CALN1: variants seen among roughly 807,000 people sequenced by gnomAD.
The protein encoded by CALN1 is calcium-binding protein 8.
CALN1 carries 17 observed loss-of-function variants against 30.6 expected under a neutral mutation model. The ratio of observed to expected loss-of-function variants is 0.56; its 90% CI spans 0.38 to 0.83. The LOEUF (loss-of-function observed/expected upper bound fraction) is 0.83, where lower values mean the gene tolerates loss of function less well. CALN1 is among the 40% of genes least tolerant of loss of function. The pLI is 0.00. For synonymous variants in CALN1, 156 were observed against 131.4 expected (o/e 1.19, Z -1.28); for missense variants, 291 against 354.9 (o/e 0.82, Z 1.45).
intron 2 of CALN1, among the ~76,000 whole-genome samples, chr7:72,344,914 A>G (rs1802555644): frequency 1.4e-5 from 2 of 147,688 alleles, no homozygotes; most frequent in African/African-American, 4.9e-5. Flanking sequence ...ATATAAATGT[A>G]TATGTGAACA....
At chr7:72,434,571 G>A in intron 1 of CALN1, among the ~76,000 whole-genome samples, 1 of 151,970 alleles carries the variant, frequency 6.6e-6, no homozygotes, top group African/African-American at 2.4e-5. Context: ...GGAAGAGGAA[G>A]AGGAAGAAGA....
intron 2 of CALN1, among the ~76,000 whole-genome samples, chr7:72,392,948 A>G (rs1200984764): frequency 6.6e-6 from 1 of 152,018 alleles, no homozygotes; most frequent in African/African-American, 2.4e-5. Context: ...GCAATGAGCT[A>G]TGATCTCACC....
At chr7:72,156,704 CAA>C (rs1787706298) in intron 3 of CALN1, among the ~76,000 whole-genome samples, 1 of 152,228 alleles carries the variant, frequency 6.6e-6, no homozygotes, top group Non-Finnish European at 1.5e-5. Flanking sequence ...CCTACTGGGG[CAA>C]AGTGTTCTGT....
intron 4 of CALN1, among the ~76,000 whole-genome samples, chr7:72,027,755 ACAC>A (rs759051155): frequency 6.8e-6 from 1 of 147,654 alleles, no homozygotes; most frequent in African/African-American, 2.5e-5. Flanking sequence ...ACACACACAC[ACAC>A]AAAAACACAT....
At chr7:72,471,879 C>T in the CALN1 span, among the ~76,000 whole-genome samples, 1 of 152,178 alleles carries the variant, frequency 6.6e-6, no homozygotes, top group Non-Finnish European at 1.5e-5. Flanking sequence ...TAGTTCACTG[C>T]AGCCTTAAAC....
chr7:72,379,845 C>A (rs887078440), intron 2 of CALN1, among the ~76,000 whole-genome samples: 1 of 152,130 alleles, frequency 6.6e-6, no homozygotes, highest in Non-Finnish European at 1.5e-5. Context: ...CCTGCAGGGA[C>A]CTGAAAATGA....
chr7:72,121,298 A>G (rs1808370333), intron 3 of CALN1, among the ~76,000 whole-genome samples: 1 of 143,184 alleles, frequency 7.0e-6, no homozygotes, highest in South Asian at 2.1e-4. Flanking sequence ...AAATTATATA[A>G]TTTATAAATT....
At chr7:72,342,127 G>A (rs1230415558) in intron 2 of CALN1, among the ~76,000 whole-genome samples, 1 of 152,068 alleles carries the variant, frequency 6.6e-6, no homozygotes, top group Non-Finnish European at 1.5e-5. Context: ...AGGTGTGGTA[G>A]CATGTGCCTG....
intron 3 of CALN1, among the ~76,000 whole-genome samples, chr7:72,145,492 CA>C (rs1585034493): frequency 6.6e-6 from 1 of 151,866 alleles, no homozygotes; most frequent in East Asian, 1.9e-4. Flanking sequence ...GCCTACCAAC[CA>C]AAAAAAGTCC....
intron 6 of CALN1, among the ~76,000 whole-genome samples, chr7:71,789,543 G>C (rs1194079807): frequency 6.6e-6 from 1 of 152,116 alleles, no homozygotes; most frequent in African/African-American, 2.4e-5. Context: ...TGAAGTTGGG[G>C]AAGTGGGGAT....
chr7:72,401,738 CAG>C (rs763593572), intron 2 of CALN1, among the ~76,000 whole-genome samples: 7 of 152,164 alleles, frequency 4.6e-5, no homozygotes, highest in Non-Finnish European at 8.8e-5. Context: ...TTTAATGTAA[CAG>C]TGTGTTGAGC....
In CALN1 at chr7:72,348,454, G is replaced by A. The variant is rs559925229; in HGVS notation, c.119+54797C>T. The stretch of plus-strand genomic sequence containing the variant: ...CTAGATTTTGTGGGGCAGAGAACTG[G>A]AGAGGAGAAGGCAACACAGATAGAA... On this transcript the variant is annotated intron_variant, in intron 2 of 6. Transcript: ENST00000395275. Among the ~76,000 whole-genome samples, 4 of 152,326 alleles carry A rather than the reference G, an allele frequency of 2.6e-5. No homozygotes were observed. In the East Asian group the frequency reaches 5.8e-4, roughly 22 times the overall value.
chr7:72,093,783 G>A (rs1484731515), intron 4 of CALN1, among the ~76,000 whole-genome samples: 1 of 152,128 alleles, frequency 6.6e-6, no homozygotes, highest in Admixed American at 6.5e-5. Context: ...ACCCTGCAGG[G>A]AAGATGCCAA....
intron 3 of CALN1, among the ~76,000 whole-genome samples, chr7:72,245,836 T>C (rs542372172): frequency 6.6e-6 from 1 of 152,324 alleles, no homozygotes; most frequent in African/African-American, 2.4e-5. Context: ...CAATAGCGAC[T>C]GTGCACCAGT....
At chr7:72,333,033 T>C (rs1000968687) in intron 2 of CALN1, among the ~76,000 whole-genome samples, 1 of 152,178 alleles carries the variant, frequency 6.6e-6, no homozygotes, top group African/African-American at 2.4e-5. Flanking sequence ...CTTTTGTACC[T>C]CCCTGTCTCA....
Position 72,278,790 on chromosome 7 carries a change from T to C in CALN1, c.140A>G (p.His47Arg), listed in dbSNP as rs369832852. Residue 47 changes from histidine (H) to arginine (R), a missense_variant, in exon 3 of 7, where the codon CAT (histidine) becomes CGT (arginine). His to Arg is a conservative substitution (Grantham distance 29). Coordinates refer to ENST00000395275, the MANE Select transcript of CALN1 (RefSeq NM_031468.4). ...FPTWEKMPFH[H>R]VTAGLLYKGN... ...CTTGTACAACAAGCCGGCGGTCACA[T>C]GGTGGAACGGCATCTTTTCCCTGCC... 1.2e-6 allele frequency: 2 copies of C among 1,613,350 alleles called. No homozygotes were observed. The highest frequency in any genetic ancestry group is 1.3e-5 in the African/African-American group (1 of 74,922).
chr7:72,389,211 C>T (rs934510660), intron 2 of CALN1, among the ~76,000 whole-genome samples: 1 of 152,204 alleles, frequency 6.6e-6, no homozygotes, highest in Non-Finnish European at 1.5e-5. Context: ...CATCAAACAC[C>T]CCCTGGGGAC....
chr7:72,100,609 G>A (rs1255387433), intron 4 of CALN1, among the ~76,000 whole-genome samples: 1 of 151,964 alleles, frequency 6.6e-6, no homozygotes, highest in Non-Finnish European at 1.5e-5. Context: ...ACGAGGTCAG[G>A]AGATCAAGAC....
chr7:72,115,690 G>A (rs556860682), intron 3 of CALN1, among the ~76,000 whole-genome samples: 2 of 151,730 alleles, frequency 1.3e-5, no homozygotes, highest in African/African-American at 2.4e-5. Context: ...GTTTCGCCAC[G>A]TTGGCCAGGC....
Sources: allele counts gnomAD v4.1 joint callset (sites outside exome capture counted in the v4.1 genomes callset), GRCh38; gene constraint gnomAD v4.1.1; transcripts MANE v1.5; gene names NCBI Gene and HGNC (gene_info 2026-07-23, HGNC 2026-07-21).